MAGI1: variants seen among roughly 807,000 people sequenced by gnomAD.
The protein encoded by MAGI1 is membrane associated guanylate kinase, WW and PDZ domain containing 1.
A neutral mutation model predicts 139.9 loss-of-function variants in MAGI1; 58 were observed. The ratio of observed to expected loss-of-function variants is 0.41; its 90% confidence interval spans 0.34 to 0.52. The LOEUF is 0.52. Ranked by LOEUF, MAGI1 falls within the 20% of genes least tolerant of loss-of-function variation. The pLI is 0.12. For synonymous variants in MAGI1, 812 were observed against 737.9 expected (o/e 1.10, Z -1.63); for missense variants, 1,874 against 1,901.6 (o/e 0.99, Z 0.27).
chr3:65,993,383 T>C (rs1201341597), intron 1 of MAGI1, among the ~76,000 whole-genome samples: 1 of 152,120 alleles, frequency 6.6e-6, no homozygotes, highest in South Asian at 2.1e-4. Context: ...TAGCTAGAGA[T>C]GGGTGATTTG....
intron 7 of MAGI1, among the ~76,000 whole-genome samples, chr3:65,447,115 A>G (rs760124869): frequency 6.6e-6 from 1 of 152,226 alleles, no homozygotes; most frequent in Non-Finnish European, 1.5e-5. Context: ...CTGATGTTAA[A>G]CAATCTTCTA....
chr3:65,907,282 G>A (rs887171279), intron 1 of MAGI1, among the ~76,000 whole-genome samples: 2 of 152,076 alleles, frequency 1.3e-5, no homozygotes, highest in African/African-American at 4.8e-5. Context: ...TATTCCCATG[G>A]ATCCTTGAGA....
chr3:65,676,863 A>G (rs188175513), intron 1 of MAGI1, among the ~76,000 whole-genome samples: 2 of 152,356 alleles, frequency 1.3e-5, no homozygotes, highest in East Asian at 3.9e-4. Flanking sequence ...GTGTTCAACA[A>G]TACAGAACGA....
At chr3:65,689,830 T>C (rs1576744570) in intron 1 of MAGI1, among the ~76,000 whole-genome samples, 1 of 152,362 alleles carries the variant, frequency 6.6e-6, no homozygotes, top group African/African-American at 2.4e-5. Flanking sequence ...ATCTTTTTAA[T>C]TCAATTCACA....
chr3:65,536,807 A>G (rs2078977368), intron 2 of MAGI1, among the ~76,000 whole-genome samples: 1 of 152,188 alleles, frequency 6.6e-6, no homozygotes, highest in African/African-American at 2.4e-5. Context: ...ATGGGACTCT[A>G]ACACTGCTAG....
chr3:65,798,168 G>A (rs1003148682), intron 1 of MAGI1, among the ~76,000 whole-genome samples: 1 of 151,638 alleles, frequency 6.6e-6, no homozygotes, highest in Non-Finnish European at 1.5e-5. Context: ...GCTGGGCATG[G>A]TGGGGTGTGC....
At chr3:65,904,222 G>A (rs553224175) in intron 1 of MAGI1, among the ~76,000 whole-genome samples, 6 of 152,288 alleles carry the variant, frequency 3.9e-5, no homozygotes, top group Non-Finnish European at 7.4e-5. Context: ...ATGCAGCAAG[G>A]AGAGCCCATG....
At position 65,411,709 on chromosome 3, in the gene MAGI1, G is replaced by A. The variant is rs143621253; in HGVS notation, c.2168-10239C>T. On this transcript the variant is annotated intron_variant, in intron 12 of 22. Transcript: ENST00000402939. ...TTTCTTTTGCATTGCTGACTTTTAG[G>A]TTGTTTCTTATCCCAACTGCTTATT... Among the ~76,000 whole-genome samples, 6 of 152,172 alleles carry A rather than the reference G, an allele frequency of 3.9e-5. No homozygotes were observed. In the South Asian group the frequency reaches 6.2e-4, roughly 16 times the overall value.
chr3:65,869,047 C>T (rs889539598), intron 1 of MAGI1, among the ~76,000 whole-genome samples: 5 of 151,900 alleles, frequency 3.3e-5, no homozygotes, highest in Non-Finnish European at 5.9e-5. Context: ...GCGGGCGGAT[C>T]ACGAGGTCAG....
intron 1 of MAGI1, among the ~76,000 whole-genome samples, chr3:66,001,613 C>T (rs555194135): frequency 2.0e-5 from 3 of 152,286 alleles, no homozygotes; most frequent in Non-Finnish European, 4.4e-5. Flanking sequence ...GGTTACATAA[C>T]ATGGCTTAAA....
chr3:66,038,488 A>G lies in MAGI1; in HGVS notation c.-180T>C. On this transcript the variant is annotated 5_prime_UTR_variant, in exon 1 of 23. Coordinates refer to ENST00000402939, the MANE Select transcript of MAGI1 (RefSeq NM_001033057.2). ...GCTCGCGCACTCAAGCCATCATAAA[A>G]CAAACTTTCTGGGCTTCCCCGCGAG... The G allele has an allele frequency of 2.3e-6, 2 of 878,530 alleles. No individual in the cohort carries two copies. The highest frequency in any genetic ancestry group is 3.2e-6 in the Non-Finnish European group (2 of 626,562). 54.4% of individuals were successfully genotyped at this position (878,530 alleles called of 1,614,324 possible). A position where few individuals can be genotyped will look rare whatever the true frequency, so the allele number is the denominator to read the frequency against.
chr3:65,962,742 T>C (rs1402337703), intron 1 of MAGI1, among the ~76,000 whole-genome samples: 1 of 147,520 alleles, frequency 6.8e-6, no homozygotes, highest in Admixed American at 6.9e-5. Context: ...CAAGAAACAC[T>C]TGAACATGGG....
At chr3:65,981,307 T>A (rs1243464437) in intron 1 of MAGI1, among the ~76,000 whole-genome samples, 1 of 152,182 alleles carries the variant, frequency 6.6e-6, no homozygotes, top group African/African-American at 2.4e-5. Context: ...CAAGTTCTGT[T>A]GGACAGTACT....
chr3:65,740,654 G>C (rs190931248), intron 1 of MAGI1, among the ~76,000 whole-genome samples: 1 of 152,236 alleles, frequency 6.6e-6, no homozygotes, highest in East Asian at 1.9e-4. Context: ...ATTTTGCATC[G>C]GTTAAGAAAT....
intron 1 of MAGI1, among the ~76,000 whole-genome samples, chr3:66,024,808 AAAAC>A (rs939245359): frequency 5.6e-4 from 85 of 152,320 alleles, no homozygotes; most frequent in Middle Eastern, 6.8e-3. Flanking sequence ...CTCCGTTTCC[AAAAC>A]AAACAAACAA....
chr3:65,929,346 A>ATT (rs11369311), intron 1 of MAGI1, among the ~76,000 whole-genome samples: 137 of 145,560 alleles, frequency 9.4e-4, no homozygotes, highest in African/African-American at 2.4e-3. Context: ...ATCAAGGATG[A>ATT]TTTTTTTTTT....
chr3:65,812,468 T>TCTCTCTCA (rs1176899313), intron 1 of MAGI1, among the ~76,000 whole-genome samples: 1 of 89,086 alleles, frequency 1.1e-5, no homozygotes, highest in East Asian at 5.7e-4. Flanking sequence ...TCTCTCTCTC[T>TCTCTCTCA]CACACACACA....
intron 2 of MAGI1, among the ~76,000 whole-genome samples, chr3:65,503,265 A>G (rs2077156158): frequency 6.6e-6 from 1 of 152,138 alleles, no homozygotes; most frequent in South Asian, 2.1e-4. Context: ...AAACACGAAT[A>G]AAGAAGGCCA....
intron 12 of MAGI1, among the ~76,000 whole-genome samples, chr3:65,407,576 T>C (rs1338755130): frequency 6.6e-6 from 1 of 151,916 alleles, no homozygotes; most frequent in Non-Finnish European, 1.5e-5. Context: ...TATTCAGTGA[T>C]TGGGGGAAAT....
Sources: allele counts gnomAD v4.1 joint callset (sites outside exome capture counted in the v4.1 genomes callset), GRCh38; gene constraint gnomAD v4.1.1; transcripts MANE v1.5; gene names NCBI Gene and HGNC (gene_info 2026-07-23, HGNC 2026-07-21).